The following PAX7 variants were observed in gnomAD, a reference collection of about 807,000 sequenced individuals.
The protein encoded by PAX7 is paired box protein Pax-7.
PAX7 carries 18 observed loss-of-function variants against 50.7 expected under a neutral mutation model. That is an observed-to-expected ratio of 0.36 (90% CI 0.25 to 0.53). The LOEUF is 0.53. Ranked by LOEUF, PAX7 falls within the 20% of genes least tolerant of loss-of-function variation. The probability of loss-of-function intolerance (pLI) is 0.93; values close to 1 mark genes in which losing one functional copy is unlikely to be tolerated. For missense variants in PAX7, 644 were observed against 702.9 expected (o/e 0.92, Z 0.95); for synonymous variants, 310 against 290.4 (o/e 1.07, Z -0.69).
At chr1:18,679,965 C>T (rs74748774) in intron 4 of PAX7, among the ~76,000 whole-genome samples, 3,383 of 152,282 alleles carry the variant, frequency 0.022, 140 homozygotes, top group African/African-American at 0.077. Flanking sequence ...ATAATAATCG[C>T]TAACATGGAT....
At chr1:18,680,628 C>T (rs1459233135) in intron 4 of PAX7, among the ~76,000 whole-genome samples, 1 of 152,164 alleles carries the variant, frequency 6.6e-6, no homozygotes, top group South Asian at 2.1e-4. Context: ...TGCCTCTACT[C>T]TTCTCACCTC....
chr1:18,664,211 AG>A (rs1266286602), intron 4 of PAX7, among the ~76,000 whole-genome samples: 8 of 152,246 alleles, frequency 5.3e-5, no homozygotes, highest in African/African-American at 1.9e-4. Flanking sequence ...AGGAAGGTTA[AG>A]TGACTTGCCC....
At chr1:18,717,009 G>A (rs1273691280) in intron 7 of PAX7, among the ~76,000 whole-genome samples, 3 of 151,588 alleles carry the variant, frequency 2.0e-5, no homozygotes, top group African/African-American at 7.2e-5. Context: ...GGTCTGGGGG[G>A]ATCCGCGCGG....
intron 7 of PAX7, among the ~76,000 whole-genome samples, chr1:18,729,920 C>A (rs992507979): frequency 6.6e-6 from 1 of 152,092 alleles, no homozygotes; most frequent in African/African-American, 2.4e-5. Flanking sequence ...GGGTGTTGGC[C>A]CCCATGGGAG....
chr1:18,636,801 G>A lies in PAX7; in HGVS notation c.586+430G>A, dbSNP rs913119687. On this transcript the variant is annotated intron_variant, in intron 4 of 8. Coordinates refer to ENST00000420770, the MANE Select transcript of PAX7 (RefSeq NM_001135254.2). The surrounding 1 kb of genome is among the most constrained non-coding windows in gnomAD (Gnocchi z 5.1). The stretch of plus-strand genomic sequence containing the variant: ...GGAGAGAGGAAGGAGGAGCCGGCCC[G>A]CGGCTCCCTAAATGAATTTGTTAAC... 6.6e-6 allele frequency among the ~76,000 whole-genome samples: 1 copy of A among 152,156 alleles called. No individual in the cohort carries two copies. The highest frequency in any genetic ancestry group is 6.5e-5 in the Admixed American group (1 of 15,288).
At chr1:18,725,002 G>T (rs1028153558) in intron 7 of PAX7, among the ~76,000 whole-genome samples, 2 of 152,200 alleles carry the variant, frequency 1.3e-5, no homozygotes, top group Non-Finnish European at 2.9e-5. Context: ...CACAAAGTAG[G>T]TGATGGGCAC....
At chr1:18,689,243 C>G (rs2089021940) in intron 4 of PAX7, among the ~76,000 whole-genome samples, 2 of 152,240 alleles carry the variant, frequency 1.3e-5, no homozygotes, top group Non-Finnish European at 2.9e-5. Flanking sequence ...TCCGTTGTCA[C>G]CGTCAGAACA....
rs190300758 is a variant in PAX7, at chr1:18,655,939, G to C, written c.586+19568G>C. Among the ~76,000 whole-genome samples the C allele has an allele frequency of 5.5e-3, 834 of 152,136 alleles. 5 individuals are homozygous for C. The highest frequency in any genetic ancestry group is 8.3e-3 in the Non-Finnish European group (565 of 67,988). Reference sequence around the variant, plus strand: ...CCTGCATCTGTGTTTCATCAAAGGCGGAACAGCTTGGGGGTTTGCAGCATC... The same window carrying C: ...CCTGCATCTGTGTTTCATCAAAGGCCGAACAGCTTGGGGGTTTGCAGCATC... On this transcript the variant is annotated intron_variant, in intron 4 of 8. Transcript: ENST00000420770.
At chr1:18,690,844 C>A (rs2089058407) in intron 4 of PAX7, among the ~76,000 whole-genome samples, 1 of 152,332 alleles carries the variant, frequency 6.6e-6, no homozygotes, top group Middle Eastern at 3.4e-3. Flanking sequence ...GTGGAAGTCG[C>A]CTAATCCAAA....
At chr1:18,727,285 G>GC (rs58074996) in intron 7 of PAX7, among the ~76,000 whole-genome samples, 103,806 of 150,694 alleles carry the variant, frequency 0.69, 35,847 homozygotes, top group African/African-American at 0.75. Flanking sequence ...ATGTGCACAA[G>GC]TTGCATGAAC....
At chr1:18,676,218 C>T (rs953020733) in intron 4 of PAX7, among the ~76,000 whole-genome samples, 24 of 152,054 alleles carry the variant, frequency 1.6e-4, no homozygotes, top group Non-Finnish European at 2.8e-4. Flanking sequence ...TACATTCGTC[C>T]TCAAACAATG....
At chr1:18,647,325 A>C (rs895283411) in intron 4 of PAX7, among the ~76,000 whole-genome samples, 2 of 152,158 alleles carry the variant, frequency 1.3e-5, no homozygotes, top group African/African-American at 4.8e-5. Flanking sequence ...TAAGTGCTAC[A>C]TGGCTTGGGC....
chr1:18,700,939 T>G lies in PAX7; in HGVS notation c.952+121T>G. 2.0e-6 allele frequency: 2 copies of G among 1,012,302 alleles called. No homozygotes were observed. The highest frequency in any genetic ancestry group is 2.3e-4 in the Middle Eastern group (1 of 4,382). 62.7% of individuals were successfully genotyped at this position (1,012,302 alleles called of 1,614,324 possible). A position where few individuals can be genotyped will look rare whatever the true frequency, so the allele number is the denominator to read the frequency against. On this transcript the variant is annotated intron_variant, in intron 6 of 8. Coordinates refer to ENST00000420770, the MANE Select transcript of PAX7 (RefSeq NM_001135254.2). The surrounding 1 kb of genome is among the most constrained non-coding windows in gnomAD (Gnocchi z 4.8). The stretch of plus-strand genomic sequence containing the variant: ...TTCTTACTTTCATGTAAGCAGGCTA[T>G]TGAGAGCAAAAAGATGCAATCCTGC...
At chr1:18,734,036 G>C (rs1222869228) in intron 7 of PAX7, among the ~76,000 whole-genome samples, 1 of 152,206 alleles carries the variant, frequency 6.6e-6, no homozygotes, top group Non-Finnish European at 1.5e-5. Flanking sequence ...GGAGCTCGCT[G>C]TCTGTCCCTA....
chr1:18,644,506 T>C (rs1015257454), intron 4 of PAX7, among the ~76,000 whole-genome samples: 4 of 152,236 alleles, frequency 2.6e-5, no homozygotes, highest in South Asian at 2.1e-4. Flanking sequence ...TACATACTTA[T>C]ATACTTTCAT....
At chr1:18,691,624 A>T in intron 4 of PAX7, 130 bp from the exon 5 acceptor site, 3 of 712,340 alleles carry the variant, frequency 4.2e-6, no homozygotes. Flanking sequence ...TGTGCTTGGG[A>T]GGAGTCTGAT....
Position 18,631,361 on chromosome 1 carries a change from G to T in PAX7, c.-243G>T. On this transcript the variant is annotated 5_prime_UTR_variant, in exon 1 of 9. Transcript: ENST00000420770. ...AGTGTTTGTTTGTTTGAACTTCCTCGTCGTCGCCACCTTCCCTCCCCCCAA... is the reference window on the plus strand; with the variant it reads ...AGTGTTTGTTTGTTTGAACTTCCTCTTCGTCGCCACCTTCCCTCCCCCCAA... The T allele has an allele frequency of 3.9e-6, 2 of 516,024 alleles. No individual in the cohort carries two copies. The highest frequency in any genetic ancestry group is 2.6e-5 in the South Asian group (1 of 37,858). The allele number at this position is 516,024 out of a possible 1,614,324, so 32.0% of individuals were successfully genotyped here. A position where few individuals can be genotyped will look rare whatever the true frequency, so the allele number is the denominator to read the frequency against.
chr1:18,631,545 A>C lies in PAX7; in HGVS notation c.-59A>C. ...AAGAAAGAGATCGCAGCAGGGGTGA[A>C]GGGAGCGGACGGGAAGCGATTTTTG... On this transcript the variant is annotated 5_prime_UTR_variant, in exon 1 of 9. Transcript: ENST00000420770. The C allele has an allele frequency of 4.3e-6, 6 of 1,381,412 alleles. No homozygotes were observed. Among genetic ancestry groups the C allele is most frequent in the Non-Finnish European group, 6.1e-6 (6 of 979,914 alleles). 85.6% of individuals were successfully genotyped at this position (1,381,412 alleles called of 1,614,324 possible). A position where few individuals can be genotyped will look rare whatever the true frequency, so the allele number is the denominator to read the frequency against.
chr1:18,666,813 C>T (rs1331234885), intron 4 of PAX7, among the ~76,000 whole-genome samples: 3 of 152,202 alleles, frequency 2.0e-5, no homozygotes, highest in African/African-American at 7.2e-5. Context: ...GTCAAGGCCT[C>T]GGGCCTCTCA....
Sources: allele counts gnomAD v4.1 joint callset (sites outside exome capture counted in the v4.1 genomes callset), GRCh38; gene constraint gnomAD v4.1.1; non-coding constraint Gnocchi (gnomAD v3.1); transcripts MANE v1.5; gene names NCBI Gene and HGNC (gene_info 2026-07-23, HGNC 2026-07-21).